Variants in CLGN observed in about 807,000 individuals in gnomAD.
CLGN encodes the protein testis tissue sperm-binding protein Li 79P.
CLGN carries 62 observed loss-of-function variants against 79.1 expected under a neutral mutation model. The ratio of observed to expected loss-of-function variants is 0.78; its 90% CI spans 0.64 to 0.97. The LOEUF is 0.97. Ranked by LOEUF, CLGN falls within the 50% of genes least tolerant of loss-of-function variation. The pLI is 0.00. For missense variants in CLGN, 647 were observed against 715.5 expected (o/e 0.90, Z 1.09); for synonymous variants, 225 against 224.7 (o/e 1.00, Z -0.01).
intron 11 of CLGN, 143 bp from the exon 12 acceptor site, chr4:140,392,854 A>G (rs1225372599): frequency 9.2e-6 from 6 of 654,690 alleles, no homozygotes; most frequent in Non-Finnish European, 1.4e-5. Context: ...TCATTTTCCC[A>G]CCTTATACTT....
chr4:140,392,842 T>C (rs1728801870), intron 11 of CLGN, 131 bp from the exon 12 acceptor site: 1 of 785,392 alleles, frequency 1.3e-6, no homozygotes, highest in Non-Finnish European at 1.8e-6. Context: ...GTAAAAGAAG[T>C]TTCATTTTCC....
rs763136605 is a variant in CLGN, at chr4:140,412,927, A to C, written c.144+8T>G. The C allele has an allele frequency of 1.2e-6, 2 of 1,611,400 alleles. No homozygotes were observed. The highest frequency in any genetic ancestry group is 2.2e-5 in the South Asian group (2 of 90,866). ...AATAATTTATAACCCATTTCTCAATAACCATACCTCTGAGGAAAGTTCACT... is the reference window on the plus strand; with the variant it reads ...AATAATTTATAACCCATTTCTCAATCACCATACCTCTGAGGAAAGTTCACT... On this transcript the variant is annotated splice_region_variant and intron_variant, in intron 2 of 14. Coordinates refer to ENST00000325617, the MANE Select transcript of CLGN (RefSeq NM_004362.3).
chr4:140,411,319 A>G (rs1189845267), intron 2 of CLGN, among the ~76,000 whole-genome samples: 1 of 152,108 alleles, frequency 6.6e-6, no homozygotes, highest in African/African-American at 2.4e-5. Context: ...ATAATTGTAG[A>G]ACTTACATAT....
chr4:140,426,507 G>A (rs1288470992), intron 1 of CLGN, among the ~76,000 whole-genome samples: 4 of 152,222 alleles, frequency 2.6e-5, no homozygotes, highest in Non-Finnish European at 4.4e-5. Context: ...AAGACGTGAA[G>A]GCAAAACTCC....
At chr4:140,400,206 C>G (rs1289136589) in intron 7 of CLGN, 151 bp downstream of exon 7, 2 of 538,584 alleles carry the variant, frequency 3.7e-6, no homozygotes, top group Non-Finnish European at 6.5e-6. Context: ...TTATTTTCTA[C>G]CCGTGCTGTC....
At chr4:140,403,252 A>G (rs1729031250) in intron 5 of CLGN, among the ~76,000 whole-genome samples, 1 of 152,196 alleles carries the variant, frequency 6.6e-6, no homozygotes, top group Non-Finnish European at 1.5e-5. Flanking sequence ...AAGTCATTTA[A>G]GCTCTAAGTC....
chr4:140,419,439 A>T (rs1349888556), intron 1 of CLGN, among the ~76,000 whole-genome samples: 1 of 152,156 alleles, frequency 6.6e-6, no homozygotes, highest in Non-Finnish European at 1.5e-5. Context: ...TGATTCCTAA[A>T]TGTTCACTGA....
At chr4:140,404,640 G>A (rs1464748972) in intron 5 of CLGN, among the ~76,000 whole-genome samples, 1 of 151,106 alleles carries the variant, frequency 6.6e-6, no homozygotes, top group Non-Finnish European at 1.5e-5. Context: ...TCAATTCTTG[G>A]TCCTCTTTTT....
chr4:140,422,887 G>A (rs1298595839), intron 1 of CLGN, among the ~76,000 whole-genome samples: 1 of 152,138 alleles, frequency 6.6e-6, no homozygotes, highest in Non-Finnish European at 1.5e-5. Flanking sequence ...AAATTGCTGG[G>A]ACTACAGGCA....
intron 4 of CLGN, among the ~76,000 whole-genome samples, chr4:140,408,884 T>TATATATATAC (rs778910042): frequency 2.1e-5 from 3 of 145,560 alleles, no homozygotes; most frequent in Non-Finnish European, 3.0e-5. Context: ...TATATATATA[T>TATATATATAC]ACACACACAC....
chr4:140,409,804 T>C, intron 4 of CLGN, 33 bp downstream of exon 4: 1 of 1,418,658 alleles, frequency 7.0e-7, no homozygotes, highest in Non-Finnish European at 9.8e-7. Flanking sequence ...CAGGCCATAC[T>C]GGTTATATCT....
At chr4:140,400,035 G>A (rs1404090467) in intron 7 of CLGN, among the ~76,000 whole-genome samples, 6 of 152,030 alleles carry the variant, frequency 3.9e-5, no homozygotes, top group African/African-American at 7.3e-5. Flanking sequence ...CTGTCACAAC[G>A]TCTAAAATGT....
chr4:140,396,267 A>G, intron 8 of CLGN, 62 bp from the exon 9 acceptor site: 1 of 1,250,016 alleles, frequency 8.0e-7, no homozygotes, highest in Non-Finnish European at 1.2e-6. Context: ...ATGTTACAAC[A>G]CTAAGAAGGT....
intron 8 of CLGN, among the ~76,000 whole-genome samples, chr4:140,396,901 A>G (rs1254090310): frequency 0.029 from 1,844 of 64,124 alleles, 75 homozygotes; most frequent in African/African-American, 0.083. Flanking sequence ...GTATATATAT[A>G]TATATGTATA....
At chr4:140,407,008 C>T (rs916218034) in intron 4 of CLGN, among the ~76,000 whole-genome samples, 1 of 152,080 alleles carries the variant, frequency 6.6e-6, no homozygotes, top group African/African-American at 2.4e-5. Flanking sequence ...GCTCTTATAT[C>T]ATTTTTTTTC....
intron 6 of CLGN, among the ~76,000 whole-genome samples, chr4:140,400,792 C>G (rs1039101761): frequency 3.9e-5 from 6 of 152,078 alleles, no homozygotes; most frequent in African/African-American, 1.4e-4. Flanking sequence ...AATACTCTAG[C>G]AACACCATAA....
Position 140,405,970 on chromosome 4 carries a change from T to C in CLGN, c.391A>G (p.Ile131Val), listed in dbSNP as rs200216393. The C allele has an allele frequency of 1.1e-5, 18 of 1,612,084 alleles. No homozygotes were observed. In the East Asian group the frequency reaches 3.6e-4, roughly 32 times the overall value. Residue 131 changes from isoleucine to valine, a missense_variant, in exon 5 of 15, where the codon ATT (isoleucine) becomes GTT (valine). By Grantham distance (29) the Ile-to-Val change is conservative (BLOSUM62 3). Transcript: ENST00000325617. ...AISAVLAKPF[I>V]FADKPLIVQY... ...ACTATCAAGGGTTTATCAGCAAAAA[T>C]GAATGGTTTTGCTAATACAGCAGAT...
Position 140,402,041 on chromosome 4 carries a change from T to C in CLGN, c.445A>G (p.Ile149Val), listed in dbSNP as rs780277192. ...TTAATGTATGCACCTCCACAATCAATACCATCTTGAAAATTTACTTCATAT... is the reference window on the plus strand; with the variant it reads ...TTAATGTATGCACCTCCACAATCAACACCATCTTGAAAATTTACTTCATAT... Reference protein sequence around the residue: ...VQYEVNFQDGIDCGGAYIKLL... With the variant: ...VQYEVNFQDGVDCGGAYIKLL... Residue 149 changes from isoleucine to valine, a missense_variant, in exon 6 of 15, where the codon ATT becomes GTT. Transcript: ENST00000325617. 6.3e-7 allele frequency: 1 copy of C among 1,577,634 alleles called. No homozygotes were observed. Among genetic ancestry groups the C allele is most frequent in the East Asian group, 2.3e-5 (1 of 43,412 alleles).
chr4:140,403,646 GA>G (rs1258542309), intron 5 of CLGN, among the ~76,000 whole-genome samples: 1 of 152,094 alleles, frequency 6.6e-6, no homozygotes, highest in Non-Finnish European at 1.5e-5. Flanking sequence ...GTAAGAATTG[GA>G]AAAAACAATT....
Sources: gnomAD v4.1 joint callset for allele counts (sites outside exome capture counted in the v4.1 genomes callset) on GRCh38, gnomAD v4.1.1 for gene constraint, MANE v1.5 for transcripts, NCBI Gene and HGNC (gene_info 2026-07-23, HGNC 2026-07-21) for gene names.